CPS1: variants seen among roughly 807,000 people sequenced by gnomAD.
The protein encoded by CPS1 is carbamoyl-phosphate synthase [ammonia], mitochondrial.
CPS1 carries 109 observed loss-of-function variants against 174.6 expected under a neutral mutation model. That is an observed-to-expected ratio of 0.62 (90% CI 0.53 to 0.73). The LOEUF (loss-of-function observed/expected upper bound fraction) is 0.73. Among genes scored for constraint, CPS1 ranks in the 30% least tolerant of loss-of-function variants. The probability of loss-of-function intolerance (pLI) is 0.00; values close to 1 mark genes in which losing one functional copy is unlikely to be tolerated. For missense variants in CPS1, 1,689 were observed against 1,821.9 expected (o/e 0.93, Z 1.33); for synonymous variants, 637 against 632.0 (o/e 1.01, Z -0.12).
At chr2:210,495,255 G>A (rs1221734101) in intron 1 of CPS1, among the ~76,000 whole-genome samples, 1 of 151,986 alleles carries the variant, frequency 6.6e-6, no homozygotes. Flanking sequence ...TTATTTGTAG[G>A]TCATCTGTCC....
intron 20 of CPS1, among the ~76,000 whole-genome samples, chr2:210,612,995 TG>T (rs888023798): frequency 1.3e-5 from 2 of 152,006 alleles, no homozygotes; most frequent in African/African-American, 4.8e-5. Context: ...GGAATCTGTC[TG>T]GTCAGAAATC....
chr2:210,573,729 G>A (rs544892617), intron 2 of CPS1, among the ~76,000 whole-genome samples: 1 of 152,030 alleles, frequency 6.6e-6, no homozygotes, highest in African/African-American at 2.4e-5. Flanking sequence ...GGGAGGTATG[G>A]GTCTGATTAA....
At chr2:210,605,919 G>A (rs1384768198) in intron 17 of CPS1, among the ~76,000 whole-genome samples, 2 of 151,888 alleles carry the variant, frequency 1.3e-5, no homozygotes, top group Non-Finnish European at 1.5e-5. Context: ...TTATAGGGCA[G>A]GGGAAAGAGG....
At chr2:210,558,281 A>G (rs1696983864) in intron 1 of CPS1, among the ~76,000 whole-genome samples, 1 of 152,080 alleles carries the variant, frequency 6.6e-6, no homozygotes, top group Admixed American at 6.6e-5. Context: ...GATAGTTAAA[A>G]TCATTAGGAT....
Position 210,654,057 on chromosome 2 carries a change from AG to A in CPS1, c.3517del (p.Ala1173ProfsTer4). The A allele has an allele frequency of 6.2e-7, 1 of 1,613,980 alleles. No homozygotes were observed. The highest frequency in any genetic ancestry group is 8.5e-7 in the Non-Finnish European group (1 of 1,179,880). On this transcript the variant is annotated frameshift_variant, in exon 29 of 38. Transcript: ENST00000233072. LOFTEE classifies it high-confidence loss of function. ...HPVVLTKFVEGAREVEMDAVG... is the reference protein window; with the variant it reads ...HPVVLTKFVEXAREVEMDAVG... ...CAGTGGTGCTGACAAAATTTGTTGA[AG>A]GGGCCCGAGAAGTAGAAATGGACGC...
At chr2:210,516,667 C>G (rs547368160) in intron 1 of CPS1, among the ~76,000 whole-genome samples, 2 of 152,018 alleles carry the variant, frequency 1.3e-5, no homozygotes, top group East Asian at 3.9e-4. Context: ...CTCTGGTTAT[C>G]TCTACCTCAT....
chr2:210,532,798 A>T (rs2664233), intron 1 of CPS1, among the ~76,000 whole-genome samples: 70,807 of 151,906 alleles, frequency 0.47, 17,209 homozygotes, highest in African/African-American at 0.59. Context: ...GGTAAGCAGA[A>T]CTACCAACTG....
intron 1 of CPS1, among the ~76,000 whole-genome samples, chr2:210,570,200 T>C (rs1233029361): frequency 1.3e-5 from 2 of 151,900 alleles, no homozygotes; most frequent in African/African-American, 4.8e-5. Context: ...CAATATAATG[T>C]GTAGTGGGAA....
chr2:210,505,608 G>A (rs962076697), intron 1 of CPS1, among the ~76,000 whole-genome samples: 2 of 152,124 alleles, frequency 1.3e-5, no homozygotes, highest in African/African-American at 4.8e-5. Flanking sequence ...CACCCGGGAA[G>A]CACAAGGGGT....
intron 22 of CPS1, among the ~76,000 whole-genome samples, chr2:210,638,168 T>C (rs1700096633): frequency 6.6e-6 from 1 of 152,178 alleles, no homozygotes; most frequent in Non-Finnish European, 1.5e-5. Context: ...AGTTAAGAAA[T>C]CCTTAGTGTA....
At chr2:210,509,480 A>T (rs944958559) in intron 1 of CPS1, among the ~76,000 whole-genome samples, 4 of 152,202 alleles carry the variant, frequency 2.6e-5, no homozygotes, top group Non-Finnish European at 5.9e-5. Flanking sequence ...CATGATAGGG[A>T]TGCCCTCTCT....
intron 2 of CPS1, 122 bp from the exon 3 acceptor site, chr2:210,576,224 A>G (rs1697706503): frequency 1.8e-6 from 2 of 1,086,924 alleles, no homozygotes; most frequent in African/African-American, 1.5e-5. Context: ...GTTAAAATCT[A>G]GAGACATTCT....
At chr2:210,647,804 T>C in intron 25 of CPS1, 59 bp from the exon 26 acceptor site, 1 of 1,526,618 alleles carries the variant, frequency 6.6e-7, no homozygotes, top group Non-Finnish European at 9.1e-7. Flanking sequence ...AATATTAGCA[T>C]AGTTGTCCAT....
At chr2:210,609,491 A>G (rs1478555415) in intron 19 of CPS1, among the ~76,000 whole-genome samples, 1 of 152,014 alleles carries the variant, frequency 6.6e-6, no homozygotes, top group Admixed American at 6.6e-5. Flanking sequence ...CAGGATTCTT[A>G]TAATACCCCC....
chr2:210,677,624 A>G (rs1701575589), intron 37 of CPS1, among the ~76,000 whole-genome samples: 1 of 152,206 alleles, frequency 6.6e-6, no homozygotes, highest in South Asian at 2.1e-4. Flanking sequence ...TGCCTATCAT[A>G]TTTATTTTTT....
chr2:210,491,768 C>T (rs1456886020), intron 1 of CPS1, among the ~76,000 whole-genome samples: 4 of 152,176 alleles, frequency 2.6e-5, no homozygotes, highest in East Asian at 1.9e-4. Context: ...TTTCAGATAC[C>T]TGTCTCCTAA....
rs1385944214 is a variant in CPS1, at chr2:210,674,482, AC to A, written c.4102-418del. The A allele has an allele frequency of 6.9e-4, 64 of 93,404 alleles. 1 individual carries two copies. The highest frequency in any genetic ancestry group is 1.4e-3 in the African/African-American group (30 of 21,048). 5.8% of individuals were successfully genotyped at this position (93,404 alleles called of 1,614,324 possible). ...AAAAAACCCCATCTCAAAAAAAAAA[AC>A]CAAAAAAAAAAAAAAGAAATAAGAG... On this transcript the variant is annotated intron_variant, in intron 34 of 37. Coordinates refer to ENST00000233072, the MANE Select transcript of CPS1 (RefSeq NM_001875.5).
At chr2:210,655,768 T>A (rs1480357133) in intron 29 of CPS1, among the ~76,000 whole-genome samples, 2 of 152,156 alleles carry the variant, frequency 1.3e-5, no homozygotes, top group Non-Finnish European at 2.9e-5. Context: ...TTTTAAGACG[T>A]TGCTAAATCT....
chr2:210,517,247 C>A (rs981062273), intron 1 of CPS1, among the ~76,000 whole-genome samples: 1 of 151,866 alleles, frequency 6.6e-6, no homozygotes, highest in Non-Finnish European at 1.5e-5. Context: ...AGCAGTTAAA[C>A]GTTTAGTTGT....
Sources: gnomAD v4.1 joint callset for allele counts (sites outside exome capture counted in the v4.1 genomes callset) on GRCh38, gnomAD v4.1.1 for gene constraint, MANE v1.5 for transcripts, NCBI Gene and HGNC (gene_info 2026-07-23, HGNC 2026-07-21) for gene names.